MROH1: variants seen among roughly 807,000 people sequenced by gnomAD.
MROH1 encodes the protein maestro heat like repeat family member 1.
A neutral mutation model predicts 116.5 loss-of-function variants in MROH1; 117 were observed. That is an observed-to-expected ratio of 1.00 (90% CI 0.86 to 1.17). MROH1 has a LOEUF of 1.17. Ranked by LOEUF, MROH1 falls within the 50% of genes most tolerant of loss-of-function variation. The pLI is 0.00. For missense variants in MROH1, 1,873 were observed against 1,338.5 expected, an observed-to-expected ratio of 1.40 and a Z score of -6.23; for synonymous variants, 921 against 583.9, an observed-to-expected ratio of 1.58 and a Z score of -8.32.
intron 4 of MROH1, among the ~76,000 whole-genome samples, chr8:144,173,473 CT>C (rs1823029700): frequency 6.6e-6 from 1 of 150,732 alleles, no homozygotes; most frequent in Admixed American, 6.6e-5. Flanking sequence ...CCAGGCTGGG[CT>C]GGAGTACAAT....
rs1383775406 is a variant in MROH1 at position 144,255,510 on chromosome 8, C to T, written c.3596C>T (p.Ala1199Val). Residue 1199 changes from alanine to valine, a missense_variant and splice_region_variant, in exon 35 of 44, where the codon GCT becomes GTT. Transcript: ENST00000326134. Reference protein sequence around the residue: ...DRVATLLPLSATCALFEVMST... With the variant: ...DRVATLLPLSVTCALFEVMST... ...GCCCTGTGATGACTTCTCCCCCAGGCTACCTGTGCACTGTTTGAGGTCATG... is the reference window on the plus strand; with the variant it reads ...GCCCTGTGATGACTTCTCCCCCAGGTTACCTGTGCACTGTTTGAGGTCATG... 2 of 778,694 alleles carry T rather than the reference C, an allele frequency of 2.6e-6. No homozygotes were observed. The highest frequency in any genetic ancestry group is 1.3e-5 in the South Asian group (1 of 74,528). The allele number at this position is 778,694 out of a possible 1,614,324, so 48.2% of individuals were successfully genotyped here. A position where few individuals can be genotyped will look rare whatever the true frequency, so the allele number is the denominator to read the frequency against.
chr8:144,258,512 C>T (rs909804932), intron 35 of MROH1, among the ~76,000 whole-genome samples: 10 of 152,202 alleles, frequency 6.6e-5, no homozygotes, highest in Admixed American at 6.5e-4. Context: ...TGCCTGTGTC[C>T]AGCTCTCAGG....
chr8:144,250,593 G>A, intron 33 of MROH1: 3 of 628,560 alleles, frequency 4.8e-6, no homozygotes, highest in Non-Finnish European at 5.8e-6. Flanking sequence ...TGGCTCCGGT[G>A]GGCCCTGCAC....
intron 29 of MROH1, among the ~76,000 whole-genome samples, chr8:144,247,036 CCTT>C (rs1334599261): frequency 2.0e-5 from 3 of 152,256 alleles, no homozygotes; most frequent in South Asian, 2.1e-4. Flanking sequence ...GCCTGGCCCT[CCTT>C]CTTGTAGGGG....
chr8:144,230,827 A>G (rs1200786582), intron 14 of MROH1, among the ~76,000 whole-genome samples: 1 of 70,488 alleles, frequency 1.4e-5, no homozygotes, highest in Admixed American at 1.6e-4. Flanking sequence ...TTTTTTTTTT[A>G]ATTGATCATT....
chr8:144,154,518 TG>T (rs1817589130), intron 1 of MROH1, among the ~76,000 whole-genome samples: 1 of 152,124 alleles, frequency 6.6e-6, no homozygotes, highest in Admixed American at 6.6e-5. Context: ...ACTGCTCATG[TG>T]GGGGTGATGG....
chr8:144,244,855 C>G (rs1841624346), intron 28 of MROH1, among the ~76,000 whole-genome samples: 4 of 152,194 alleles, frequency 2.6e-5, no homozygotes, highest in Admixed American at 2.6e-4. Flanking sequence ...GGGGCCGACC[C>G]CCATGCTCGG....
chr8:144,222,144 A>G (rs911336829), intron 13 of MROH1, among the ~76,000 whole-genome samples: 1 of 145,130 alleles, frequency 6.9e-6, no homozygotes, highest in East Asian at 2.1e-4. Flanking sequence ...CAGCAGCCCC[A>G]CCCCCTGAGG....
chr8:144,241,970 G>C (rs1360558282), intron 22 of MROH1, among the ~76,000 whole-genome samples: 1 of 152,240 alleles, frequency 6.6e-6, no homozygotes, highest in African/African-American at 2.4e-5. Context: ...GCTGGACCAA[G>C]CATGCAGGGC....
intron 1 of MROH1, among the ~76,000 whole-genome samples, chr8:144,149,033 A>T (rs1386737589): frequency 2.0e-5 from 3 of 152,114 alleles, no homozygotes; most frequent in Non-Finnish European, 2.9e-5. Flanking sequence ...AGGGCCGGTG[A>T]TAAGTCAGGT....
Position 144,260,813 on chromosome 8 carries a change from C to T in MROH1, c.4517C>T (p.Pro1506Leu). The T allele has an allele frequency of 1.3e-6, 1 of 778,094 alleles. No homozygotes were observed. The highest frequency in any genetic ancestry group is 2.4e-5 in the East Asian group (1 of 41,250). 48.2% of individuals were successfully genotyped at this position (778,094 alleles called of 1,614,324 possible). ...CCCCTGCTGCTGCACCTGCAGGACC[C>T]TCAGGCCACCGTGGCCAGCGTGAGT... ...LAPLLLHLQD[P>L]QATVASACRF... Residue 1506 changes from proline to leucine, a missense_variant, in exon 40 of 44, where the codon CCT becomes CTT. Transcript: ENST00000326134.
intron 12 of MROH1, chr8:144,212,998 C>T (rs749225406): frequency 2.6e-6 from 2 of 777,176 alleles, no homozygotes; most frequent in African/African-American, 3.4e-5. Flanking sequence ...ACACAGGCAG[C>T]ACTAACACCA....
At chr8:144,205,158 G>C (rs1832547320) in intron 12 of MROH1, among the ~76,000 whole-genome samples, 1 of 152,258 alleles carries the variant, frequency 6.6e-6, no homozygotes, top group East Asian at 1.9e-4. Context: ...CCAAAGTACT[G>C]GGATTACAGG....
chr8:144,197,796 G>A (rs1830270131), intron 10 of MROH1, among the ~76,000 whole-genome samples: 1 of 149,398 alleles, frequency 6.7e-6, no homozygotes, highest in African/African-American at 2.4e-5. Flanking sequence ...GGAGCACACC[G>A]GGGGCGGTGA....
chr8:144,221,985 C>T (rs528765598), intron 13 of MROH1, among the ~76,000 whole-genome samples: 9 of 152,166 alleles, frequency 5.9e-5, no homozygotes, highest in Admixed American at 3.9e-4. Flanking sequence ...GCTGTGCCTC[C>T]GAGTCACCAG....
At chr8:144,148,283 CG>C (rs1229808085) in intron 1 of MROH1, among the ~76,000 whole-genome samples, 9 of 152,314 alleles carry the variant, frequency 5.9e-5, no homozygotes, top group African/African-American at 2.2e-4. Flanking sequence ...CGCCACAGCC[CG>C]GAAGAGAGGC....
intron 35 of MROH1, among the ~76,000 whole-genome samples, chr8:144,256,816 C>A (rs894562792): frequency 6.6e-6 from 1 of 152,380 alleles, no homozygotes; most frequent in East Asian, 1.9e-4. Context: ...GCCAAACACA[C>A]GCTTCCCGTT....
intron 20 of MROH1, 89 bp downstream of exon 20, chr8:144,240,766 C>T (rs1397764532): frequency 8.6e-6 from 6 of 697,162 alleles, no homozygotes; most frequent in South Asian, 4.5e-5. Context: ...GGCCCTGTCT[C>T]CCGTGGCCCT....
At chr8:144,197,458 C>A (rs1390959533) in intron 10 of MROH1, among the ~76,000 whole-genome samples, 4 of 46,058 alleles carry the variant, frequency 8.7e-5, no homozygotes, top group Admixed American at 3.0e-4. Context: ...TTTTTTGAGA[C>A]GGAATCTTGC....
Sources: gnomAD v4.1 joint callset for allele counts (sites outside exome capture counted in the v4.1 genomes callset) on GRCh38, gnomAD v4.1.1 for gene constraint, MANE v1.5 for transcripts, NCBI Gene and HGNC (gene_info 2026-07-23, HGNC 2026-07-21) for gene names.